Variants in FOXK2 observed in about 807,000 individuals in gnomAD.
FOXK2 encodes forkhead box K2.
Under a neutral mutation model 53.3 loss-of-function variants are expected in FOXK2, and 24 were observed. The observed-to-expected ratio is 0.45, with a 90% CI of 0.33 to 0.63. The LOEUF (loss-of-function observed/expected upper bound fraction) is 0.63. Among genes scored for constraint, FOXK2 ranks in the 30% least tolerant of loss-of-function variants. FOXK2 has a pLI of 0.03. For synonymous variants in FOXK2, 505 were observed against 407.1 expected, an observed-to-expected ratio of 1.24 and a Z score of -2.89; for missense variants, 952 against 910.5, an observed-to-expected ratio of 1.05 and a Z score of -0.59.
chr17:82,546,714 C>T (rs1291498746), intron 1 of FOXK2, among the ~76,000 whole-genome samples: 1 of 151,984 alleles, frequency 6.6e-6, no homozygotes, highest in African/African-American at 2.4e-5. Flanking sequence ...GTGTTCCTCC[C>T]ACCTCAGACT....
chr17:82,534,863 G>C (rs1460765861), intron 1 of FOXK2, among the ~76,000 whole-genome samples: 1 of 152,204 alleles, frequency 6.6e-6, no homozygotes, highest in East Asian at 1.9e-4. Context: ...AAATCTACCT[G>C]TTAATTATTG....
In FOXK2 at chr17:82,586,129, T is replaced by C. The variant is rs767426812; in HGVS notation, c.1505T>C (p.Val502Ala). The change falls in exon 7 of 9, where the codon GTC becomes GCC. Residue 502 changes from valine to alanine, a missense_variant. Coordinates refer to ENST00000335255, the MANE Select transcript of FOXK2 (RefSeq NM_004514.4). ...NTYTVSGQAV[V>A]TPAAVLAPPK... Reference sequence around the variant, plus strand: ...TACACTGTCTCTGGACAAGCTGTGGTCACCCCGGCAGCCGTGCTGGCCCCT... The same window carrying C: ...TACACTGTCTCTGGACAAGCTGTGGCCACCCCGGCAGCCGTGCTGGCCCCT... 8 of 1,612,344 alleles carry C rather than the reference T, an allele frequency of 5.0e-6. No individual in the cohort carries two copies. The highest frequency in any genetic ancestry group is 1.1e-5 in the South Asian group (1 of 91,058).
chr17:82,574,070 A>G (rs2044953642), intron 4 of FOXK2, among the ~76,000 whole-genome samples: 2 of 152,360 alleles, frequency 1.3e-5, no homozygotes, highest in Middle Eastern at 6.8e-3. Context: ...AGGTGCCTGC[A>G]CAGCTCACGT....
At position 82,603,877 on chromosome 17, in the gene FOXK2, G is replaced by A. The variant is rs13382; in HGVS notation, c.*2378G>A. The stretch of plus-strand genomic sequence containing the variant: ...TGGTACCTAGGAATTTAAGAATATC[G>A]AAGCGAGAGCAGTAACAAACCATAG... On this transcript the variant is annotated 3_prime_UTR_variant, in exon 9 of 9. Coordinates refer to ENST00000335255, the MANE Select transcript of FOXK2 (RefSeq NM_004514.4). The A allele has an allele frequency of 0.21, 31,617 of 152,016 alleles. 3,409 individuals are homozygous for A. Among genetic ancestry groups the A allele is most frequent in the Non-Finnish European group, 0.24 (16,303 of 67,974 alleles). 9.4% of individuals were successfully genotyped at this position (152,016 alleles called of 1,614,324 possible). A position where few individuals can be genotyped will look rare whatever the true frequency, so the allele number is the denominator to read the frequency against.
intron 8 of FOXK2, among the ~76,000 whole-genome samples, chr17:82,597,109 AAC>A (rs1448513161): frequency 2.0e-5 from 3 of 152,110 alleles, no homozygotes; most frequent in African/African-American, 2.4e-5. Flanking sequence ...GACTCCCTGT[AAC>A]ACACCCGTGT....
chr17:82,542,572 C>G (rs2044585306), intron 1 of FOXK2, among the ~76,000 whole-genome samples: 1 of 152,090 alleles, frequency 6.6e-6, no homozygotes, highest in African/African-American at 2.4e-5. Flanking sequence ...CCTTGGCCTC[C>G]CAACCGTGAA....
At chr17:82,585,629 T>C (rs1024758473) in intron 6 of FOXK2, among the ~76,000 whole-genome samples, 4 of 152,204 alleles carry the variant, frequency 2.6e-5, no homozygotes, top group African/African-American at 4.8e-5. Flanking sequence ...GTATTGACAT[T>C]TTCTTTTTTA....
chr17:82,576,848 A>T (rs878876487), intron 4 of FOXK2: 128 of 538,952 alleles, frequency 2.4e-4, no homozygotes, highest in Middle Eastern at 1.6e-3. Flanking sequence ...CTGTTCTTCA[A>T]TATATTTTTC....
chr17:82,574,287 A>T (rs2044956037), intron 4 of FOXK2, among the ~76,000 whole-genome samples: 1 of 150,510 alleles, frequency 6.6e-6, no homozygotes. Context: ...TAGTTTCTCC[A>T]GATTCCTCCT....
chr17:82,524,700 CTT>C (rs1379731948), intron 1 of FOXK2, among the ~76,000 whole-genome samples: 1 of 152,194 alleles, frequency 6.6e-6, no homozygotes, highest in Non-Finnish European at 1.5e-5. Flanking sequence ...GTTTTCCTCT[CTT>C]AGAGCCTCTG....
intron 8 of FOXK2, chr17:82,598,811 T>G (rs557888288): frequency 1.3e-5 from 2 of 152,272 alleles, no homozygotes; most frequent in South Asian, 4.1e-4. Flanking sequence ...AGGGTATTGG[T>G]GCTTGTCAGA....
intron 8 of FOXK2, among the ~76,000 whole-genome samples, chr17:82,590,491 ATCT>A (rs1217918823): frequency 6.6e-6 from 1 of 152,112 alleles, no homozygotes; most frequent in Non-Finnish European, 1.5e-5. Context: ...TTATTTGTGT[ATCT>A]TCTTTGAAGA....
chr17:82,532,909 GT>G (rs1424782310), intron 1 of FOXK2, among the ~76,000 whole-genome samples: 2 of 152,018 alleles, frequency 1.3e-5, no homozygotes, highest in Non-Finnish European at 2.9e-5. Flanking sequence ...GCTTTTTTCT[GT>G]TTGTAAAATT....
At chr17:82,555,375 G>A (rs1247878820) in intron 1 of FOXK2, among the ~76,000 whole-genome samples, 2 of 152,104 alleles carry the variant, frequency 1.3e-5, no homozygotes, top group Non-Finnish European at 2.9e-5. Context: ...GTAATATTTT[G>A]CGGCTCTTTT....
chr17:82,521,201 C>T (rs1177859179), intron 1 of FOXK2, among the ~76,000 whole-genome samples: 2 of 152,146 alleles, frequency 1.3e-5, no homozygotes, highest in African/African-American at 4.8e-5. Context: ...GAGACGGAGG[C>T]TCACTTTGTC....
At chr17:82,567,677 T>C (rs1174607803) in intron 2 of FOXK2, among the ~76,000 whole-genome samples, 1 of 151,828 alleles carries the variant, frequency 6.6e-6, no homozygotes, top group African/African-American at 2.4e-5. Flanking sequence ...AGCTCCTCAG[T>C]GAGGACCTCT....
At chr17:82,534,534 G>T (rs375357341) in intron 1 of FOXK2, among the ~76,000 whole-genome samples, 163 of 152,312 alleles carry the variant, frequency 1.1e-3, no homozygotes, top group African/African-American at 3.8e-3. Flanking sequence ...CAGGCTAGAG[G>T]AGGGGCCAGG....
chr17:82,555,970 C>T (rs2044720793), intron 1 of FOXK2, among the ~76,000 whole-genome samples: 1 of 150,892 alleles, frequency 6.6e-6, no homozygotes, highest in South Asian at 2.1e-4. Flanking sequence ...TGAACCCCCA[C>T]GCCTGTCATA....
At position 82,596,084 on chromosome 17, in the gene FOXK2, A is replaced by G. The variant is rs1428262067; in HGVS notation, c.1787-5219A>G. ...GGCTGTCTGCACATTTTTTGTAGAC[A>G]CATTAGAGTCGGTTGAGGCCACACC... is the stretch of plus-strand genomic sequence containing the variant. On this transcript the variant is annotated intron_variant, in intron 8 of 8. Coordinates refer to ENST00000335255, the MANE Select transcript of FOXK2 (RefSeq NM_004514.4). 5.2e-6 allele frequency: 5 copies of G among 969,714 alleles called. No homozygotes were observed. The East Asian group carries it at 4.5e-4, about 88-fold the overall frequency. The allele number at this position is 969,714 out of a possible 1,614,324, so 60.1% of individuals were successfully genotyped here.
Sources: gnomAD v4.1 joint callset for allele counts (sites outside exome capture counted in the v4.1 genomes callset) on GRCh38, gnomAD v4.1.1 for gene constraint, MANE v1.5 for transcripts, NCBI Gene and HGNC (gene_info 2026-07-23, HGNC 2026-07-21) for gene names.